TNK2: variants seen among roughly 807,000 people sequenced by gnomAD.
The protein encoded by TNK2 is activated CDC42 kinase 1.
A neutral mutation model predicts 101.8 loss-of-function variants in TNK2; 83 were observed. The observed-to-expected ratio is 0.82, with a 90% CI of 0.68 to 0.98. The LOEUF (loss-of-function observed/expected upper bound fraction) is 0.98. Among genes scored for constraint, TNK2 ranks in the 50% least tolerant of loss-of-function variants. The pLI is 0.00. For missense variants in TNK2, 1,665 were observed against 1,483.2 expected, an observed-to-expected ratio of 1.12 and a Z score of -2.01; for synonymous variants, 804 against 633.0, an observed-to-expected ratio of 1.27 and a Z score of -4.06.
chr3:195,899,992 C>T lies in TNK2; in HGVS notation c.-19+8493G>A, dbSNP rs570308771. On this transcript the variant is annotated intron_variant, in intron 1 of 15. Transcript: ENST00000672887. ...CCCCCCATGATTTCTAATCCAGAGA[C>T]GCCAGCACCTTTCTGGGAAGAGGGG... is the stretch of plus-strand genomic sequence containing the variant. 1.8e-4 allele frequency among the ~76,000 whole-genome samples: 28 copies of T among 152,234 alleles called. No individual in the cohort carries two copies. The South Asian group carries it at 4.2e-3, about 23-fold the overall frequency.
intron 1 of TNK2, among the ~76,000 whole-genome samples, chr3:195,901,858 G>C (rs1381151525): frequency 6.6e-6 from 1 of 152,242 alleles, no homozygotes; most frequent in Non-Finnish European, 1.5e-5. Context: ...ACAAGGATGC[G>C]GGCCCATGGA....
chr3:195,870,512 G>A (rs1010670467), intron 10 of TNK2: 25 of 797,158 alleles, frequency 3.1e-5, no homozygotes, highest in South Asian at 5.0e-5. Context: ...ACCAGGCAGC[G>A]GCCAGAGGGC....
chr3:195,896,400 C>T (rs1760516225), intron 1 of TNK2: 4 of 305,538 alleles, frequency 1.3e-5, no homozygotes, highest in East Asian at 1.4e-4. Flanking sequence ...GCTCCCTCTA[C>T]GGCCCACTCT....
intron 1 of TNK2, chr3:195,895,268 G>C: frequency 6.4e-7 from 1 of 1,559,110 alleles, no homozygotes; most frequent in Non-Finnish European, 8.7e-7. Context: ...CTCGCCCCCA[G>C]CCAGGCGCTG....
chr3:195,883,532 C>T, intron 4 of TNK2: 1 of 539,338 alleles, frequency 1.9e-6, no homozygotes, highest in Admixed American at 3.1e-5. Flanking sequence ...CCACACCTCC[C>T]CTTCCTGGGG....
At chr3:195,864,262 C>G (rs1316821178) in intron 15 of TNK2, 75 bp from the exon 16 acceptor site, 2 of 1,584,272 alleles carry the variant, frequency 1.3e-6, no homozygotes, top group Non-Finnish European at 1.7e-6. Context: ...GGGGGTCACA[C>G]TGGTGCCAGG....
intron 6 of TNK2, among the ~76,000 whole-genome samples, chr3:195,881,597 A>G (rs1324515025): frequency 3.1e-5 from 2 of 65,502 alleles, no homozygotes; most frequent in Admixed American, 2.0e-4. Flanking sequence ...CCCCCCAGCG[A>G]TGCCCCTTGA....
In TNK2 at chr3:195,898,957, G is replaced by A. The variant is rs558637729; in HGVS notation, c.-19+9528C>T. Reference sequence around the variant, plus strand: ...TAAAAAATATAAAAATTAGCCGGGCGTGGTGGCGGGCACCTGCAGTCCCAG... The same window carrying A: ...TAAAAAATATAAAAATTAGCCGGGCATGGTGGCGGGCACCTGCAGTCCCAG... On this transcript the variant is annotated intron_variant, in intron 1 of 15. Transcript: ENST00000672887. Among the ~76,000 whole-genome samples the A allele has an allele frequency of 2.0e-4, 30 of 152,148 alleles. No homozygotes were observed. The South Asian group carries it at 2.1e-3, about 11-fold the overall frequency.
chr3:195,894,739 CCAA>C (rs1759936069), intron 1 of TNK2: 4 of 152,592 alleles, frequency 2.6e-5, no homozygotes, highest in African/African-American at 9.7e-5. Context: ...ACCTTAAGCC[CCAA>C]CGCTCCTACC....
At chr3:195,876,516 A>G (rs1416014484) in intron 9 of TNK2, 1 of 456,776 alleles carries the variant, frequency 2.2e-6, no homozygotes, top group East Asian at 7.0e-5. Context: ...GGACTGAAGA[A>G]ACAAGGGGGC....
In TNK2 at chr3:195,867,631, G is replaced by A. The variant is rs772316368; in HGVS notation, c.2667C>T (p.Arg889=). 1.2e-6 allele frequency: 2 copies of A among 1,600,830 alleles called. No homozygotes were observed. Among genetic ancestry groups the A allele is most frequent in the South Asian group, 2.2e-5 (2 of 90,984 alleles). ...ERPSYLERYQ[R]FLREAQSPEE... is the part of the protein sequence containing the mutation. ...CGGGGCTCTGGGCCTCACGCAGGAA[G>A]CGCTGGTAGCGCTCCAGGTAGGATG... The change falls in exon 13 of 16, where the codon CGC becomes CGT. Residue 889 remains arginine (R), a synonymous_variant. Transcript: ENST00000672887.
Position 195,885,721 on chromosome 3 carries a change from G to A in TNK2, c.235-688C>T, listed in dbSNP as rs975132781. On this transcript the variant is annotated intron_variant, in intron 3 of 15. Coordinates refer to ENST00000672887, the MANE Select transcript of TNK2 (RefSeq NM_001382273.1). This position sits in a 1 kb window ranked among gnomAD's most constrained non-coding sequence, Gnocchi z 4.7. ...TGGAGGAGACTCGGAGGCCAGGGTG[G>A]ACAGGGAGGAGCCGAAGGTCAAGGG... 5 of 566,828 alleles carry A rather than the reference G, an allele frequency of 8.8e-6. No individual in the cohort carries two copies. The highest frequency in any genetic ancestry group is 1.4e-5 in the Non-Finnish European group (5 of 355,042). The allele number at this position is 566,828 out of a possible 1,614,324, so 35.1% of individuals were successfully genotyped here.
In TNK2 at chr3:195,878,392, G is replaced by T. The variant is rs533592768; in HGVS notation, c.1162-45C>A. On this transcript the variant is annotated intron_variant, in intron 8 of 15. Coordinates refer to ENST00000672887, the MANE Select transcript of TNK2 (RefSeq NM_001382273.1). This position sits in a 1 kb window ranked among gnomAD's most constrained non-coding sequence, Gnocchi z 4.7. ...GTGGCCAACTCTGGGACTGACGCCT[G>T]GGTAGCCCCTCAGCTTGAACACCCC... 2 of 1,613,902 alleles carry T rather than the reference G, an allele frequency of 1.2e-6. No individual in the cohort carries two copies. The highest frequency in any genetic ancestry group is 2.2e-5 in the East Asian group (1 of 44,876).
At chr3:195,887,856 CTGTG>C (rs549631006) in intron 2 of TNK2, among the ~76,000 whole-genome samples, 12 of 130,190 alleles carry the variant, frequency 9.2e-5, no homozygotes, top group Admixed American at 8.4e-4. Flanking sequence ...GTGTGCGTGT[CTGTG>C]TGCGCAGGCG....
At chr3:195,899,607 G>A (rs1761000607) in intron 1 of TNK2, among the ~76,000 whole-genome samples, 1 of 152,226 alleles carries the variant, frequency 6.6e-6, no homozygotes, top group Non-Finnish European at 1.5e-5. Context: ...TGAGATTATA[G>A]GCGTGAGCCA....
rs756281985 is a variant in TNK2, at chr3:195,879,029, G to A, written c.1014+20C>T. ...AATTCACCCCACCAGCCCTATGGGG[G>A]CCCGTCTCCCAGCCCTCACCTGACT... is the stretch of plus-strand genomic sequence containing the variant. On this transcript the variant is annotated intron_variant, in intron 7 of 15. Coordinates refer to ENST00000672887, the MANE Select transcript of TNK2 (RefSeq NM_001382273.1). The A allele has an allele frequency of 5.0e-6, 8 of 1,611,392 alleles. No homozygotes were observed. The highest frequency in any genetic ancestry group is 4.5e-5 in the East Asian group (2 of 44,866).
rs1333472002 is a variant in TNK2, at chr3:195,886,905, C to CCCAGGA, written c.234+66_234+71dup. The CCCAGGA allele has an allele frequency of 1.3e-6, 2 of 1,554,364 alleles. No individual in the cohort carries two copies. Among genetic ancestry groups the CCCAGGA allele is most frequent in the Admixed American group, 1.7e-5 (1 of 59,862 alleles). On this transcript the variant is annotated intron_variant, in intron 3 of 15. Transcript: ENST00000672887. This position sits in a 1 kb window ranked among gnomAD's most constrained non-coding sequence, Gnocchi z 4.2. ...ACCTGCCGGGGAGCTGGGGAAGGTT[C>CCCAGGA]CCAGGACCAGAAGCGGAGGGGGGCG...
intron 15 of TNK2, among the ~76,000 whole-genome samples, chr3:195,866,507 T>C (rs938271690): frequency 6.6e-6 from 1 of 152,144 alleles, no homozygotes; most frequent in South Asian, 2.1e-4. Context: ...CAGCCAACAC[T>C]GAAATTTTAA....
In TNK2 at chr3:195,879,111, C is replaced by T; in HGVS notation, c.952G>A (p.Val318Met). ...TAGGTGAACATTTCCCACAGTGTCA[C>T]CCCGAACATCCAGGTGTCGCTGGCA... ...SHASDTWMFG[V>M]TLWEMFTYGQ... is the part of the protein sequence containing the mutation. Residue 318 changes from valine (V) to methionine (M), a missense_variant, in exon 7 of 16, where the codon GTG (valine) becomes ATG (methionine). Transcript: ENST00000672887. 6.2e-7 allele frequency: 1 copy of T among 1,613,918 alleles called. No homozygotes were observed. Among genetic ancestry groups the T allele is most frequent in the Non-Finnish European group, 8.5e-7 (1 of 1,180,006 alleles).
Sources: allele counts gnomAD v4.1 joint callset (sites outside exome capture counted in the v4.1 genomes callset), GRCh38; gene constraint gnomAD v4.1.1; non-coding constraint Gnocchi (gnomAD v3.1); transcripts MANE v1.5; gene names NCBI Gene and HGNC (gene_info 2026-07-23, HGNC 2026-07-21).